TTN: variants seen among roughly 807,000 people sequenced by gnomAD.
TTN encodes connectin.
In TTN, 1,525 loss-of-function variants were observed where a neutral mutation model predicts 3,223.0. The observed-to-expected ratio is 0.47, with a 90% CI of 0.45 to 0.49. The LOEUF (loss-of-function observed/expected upper bound fraction) is 0.49. TTN is among the 20% of genes least tolerant of loss of function. The pLI is 0.00. For synonymous variants in TTN, 14,094 were observed against 15,161.0 expected, an observed-to-expected ratio of 0.93 and a Z score of 5.17; for missense variants, 40,786 against 43,424.0, an observed-to-expected ratio of 0.94 and a Z score of 5.40.
In TTN at chr2:178,576,751, C is replaced by T; in HGVS notation, c.69493G>A (p.Asp23165Asn). ...CCTGTAATTTCGCTGCCACCATCAT[C>T]CACTGGCCTTTTCCAGCTGACAGTG... The part of the protein sequence containing the change: ...TATVSWKRPV[D>N]DGGSEITGYH... Residue 23165 changes from aspartate to asparagine, a missense_variant, in exon 325 of 363, where the codon GAT (aspartate) becomes AAT (asparagine). Asp to Asn is a conservative substitution (Grantham distance 23). Coordinates refer to ENST00000589042, the MANE Select transcript of TTN (RefSeq NM_001267550.2). The surrounding 1 kb of genome is among the most constrained non-coding windows in gnomAD (Gnocchi z 4.3). The T allele has an allele frequency of 6.2e-7, 1 of 1,613,504 alleles. No individual in the cohort carries two copies. Among genetic ancestry groups the T allele is most frequent in the Non-Finnish European group, 8.5e-7 (1 of 1,179,622 alleles).
chr2:178,799,168 T>A (rs1401163025), intron 6 of TTN: 1 of 354,062 alleles, frequency 2.8e-6, no homozygotes, highest in African/African-American at 2.1e-5. Flanking sequence ...TGGACCTAGG[T>A]GAGGACAAAC....
intron 294 of TTN, among the ~76,000 whole-genome samples, 175 bp from the exon 295 acceptor site, chr2:178,595,984 C>CTTTTT (rs762808998): frequency 1.0e-4 from 12 of 114,502 alleles, no homozygotes; most frequent in East Asian, 2.5e-4. Flanking sequence ...CAGTCAACCA[C>CTTTTT]TTTTTTTTTT....
Position 178,562,262 on chromosome 2 carries a change from C to A in TTN, c.83870G>T (p.Arg27957Met). 6.2e-7 allele frequency: 1 copy of A among 1,613,342 alleles called. No individual in the cohort carries two copies. ...PRQLGVPVIA[R>M]DIEIKPSVEL... ...AACTGAAGGCTTTATTTCAATATCC[C>A]TTGCAATTACTGGCACTCCAAGTTG... Residue 27957 changes from arginine to methionine, a missense_variant, in exon 326 of 363, where the codon AGG becomes ATG. Transcript: ENST00000589042.
intron 47 of TTN, chr2:178,744,296 A>G (rs2083038861): frequency 1.2e-6 from 1 of 838,306 alleles, no homozygotes; most frequent in Non-Finnish European, 1.4e-6. Context: ...TTACAAAATT[A>G]AAGTTTATTC....
rs1413452032 is a variant in TTN, at chr2:178,727,713, A to T, written c.19865T>A (p.Ile6622Asn). The T allele has an allele frequency of 6.2e-7, 1 of 1,613,342 alleles. No individual in the cohort carries two copies. The highest frequency in any genetic ancestry group is 8.5e-7 in the Non-Finnish European group (1 of 1,179,452). Residue 6622 changes from isoleucine to asparagine, a missense_variant, in exon 68 of 363, where the codon ATT becomes AAT. Coordinates refer to ENST00000589042, the MANE Select transcript of TTN (RefSeq NM_001267550.2). ...VELVSGPKCF[I>N]GLEGSTSFLN... The stretch of plus-strand genomic sequence containing the variant: ...GAAGCTAGTCGACCCTTCCAAGCCA[A>T]TGAAACATTTAGGACCTGAGACAAG...
Position 178,646,104 on chromosome 2 carries a change from TTATATATATATATATATATATATATA to T in TTN, c.40298-100_40298-75del, listed in dbSNP as rs71023450. 66 of 37,984 alleles carry T rather than the reference TTATATATATATATATATATATATATA, an allele frequency of 1.7e-3. 9 individuals carry two copies. The highest frequency in any genetic ancestry group is 0.017 in the Middle Eastern group (1 of 60). 2.4% of individuals were successfully genotyped at this position (37,984 alleles called of 1,614,324 possible). On this transcript the variant is annotated intron_variant, in intron 216 of 362. Coordinates refer to ENST00000589042, the MANE Select transcript of TTN (RefSeq NM_001267550.2). Reference sequence around the variant, plus strand: ...GGATATGTAGTATATTTAATAGAAATTATATATATATATATATATATATATATATATATATATATATATGAAGTACA... The same window carrying T: ...GGATATGTAGTATATTTAATAGAAATTATATATATATATATATGAAGTACA...
rs1575264962 is a variant in TTN, at chr2:178,533,442, T to C, written c.103173A>G (p.Pro34391=). Residue 34391 remains proline, a synonymous_variant, in exon 358 of 363, where the codon CCA becomes CCG. Transcript: ENST00000589042. ...CATCTTTCTCCCATTTTAATGTTGG[T>C]GGGGGGATGCCAGACACTCTGATCT... is the stretch of plus-strand genomic sequence containing the variant. The part of the protein sequence containing the change: ...CFEIRVSGIP[P]PTLKWEKDGQ... The C allele has an allele frequency of 6.2e-7, 1 of 1,613,682 alleles. No individual in the cohort carries two copies. The highest frequency in any genetic ancestry group is 1.3e-5 in the African/African-American group (1 of 74,894).
chr2:178,727,458 A>T (rs1479798592), intron 68 of TTN, 87 bp from the exon 69 acceptor site: 1 of 1,504,614 alleles, frequency 6.6e-7, no homozygotes, highest in African/African-American at 1.4e-5. Flanking sequence ...AGAGAAAAAC[A>T]TGAGCAAATA....
chr2:178,587,010 C>G (rs1361401310), intron 307 of TTN, 108 bp downstream of exon 307: 4 of 1,460,824 alleles, frequency 2.7e-6, no homozygotes, highest in African/African-American at 1.4e-5. Flanking sequence ...CTATTTCGGT[C>G]TCTACAAATG....
chr2:178,779,899 T>G, intron 22 of TTN, 101 bp downstream of exon 22: 1 of 1,181,892 alleles, frequency 8.5e-7, no homozygotes, highest in Non-Finnish European at 1.2e-6. Context: ...TTCTAATAGC[T>G]GTCTAACCCC....
intron 47 of TTN, chr2:178,751,021 A>G (rs778508001): frequency 1.2e-6 from 2 of 1,612,598 alleles, no homozygotes; most frequent in Non-Finnish European, 1.7e-6. Context: ...CAATAGTTTG[A>G]AAGCTTGTGG....
chr2:178,741,427 A>T lies in TTN; in HGVS notation c.11806T>A (p.Cys3936Ser). 6.2e-7 allele frequency: 1 copy of T among 1,613,888 alleles called. No homozygotes were observed. The highest frequency in any genetic ancestry group is 1.3e-5 in the African/African-American group (1 of 75,032). ...AACTCCTTAAGGAAGTGAGGAGGACAAGGACCTCCCAGCTTTTCCAGAGAT... is the reference window on the plus strand; with the variant it reads ...AACTCCTTAAGGAAGTGAGGAGGACTAGGACCTCCCAGCTTTTCCAGAGAT... ...AKSLEKLGGP[C>S]PPHFLKELKP... The change falls in exon 48 of 363, where the codon TGT (cysteine) becomes AGT (serine). Residue 3936 changes from cysteine to serine, a missense_variant. Cys to Ser is a moderately radical substitution (Grantham distance 112, BLOSUM62 -1). Coordinates refer to ENST00000589042, the MANE Select transcript of TTN (RefSeq NM_001267550.2).
chr2:178,578,140 C>G lies in TTN; in HGVS notation c.68375G>C (p.Arg22792Thr), dbSNP rs749459226. 3.1e-6 allele frequency: 5 copies of G among 1,612,992 alleles called. No individual in the cohort carries two copies. The highest frequency in any genetic ancestry group is 2.2e-5 in the East Asian group (1 of 44,806). The change falls in exon 322 of 363, where the codon AGA (arginine) becomes ACA (threonine). Residue 22792 changes from arginine to threonine, a missense_variant. Coordinates refer to ENST00000589042, the MANE Select transcript of TTN (RefSeq NM_001267550.2). ...CATCCTTATCGGAGTCTTGTTAGCT[C>G]TCTTCCACAAAAGGCTGTTTCTTTC... ...FKERNSLLWK[R>T]ANKTPIRMRD...
intron 89 of TTN, 21 bp downstream of exon 89, chr2:178,715,472 A>C (rs754247306): frequency 6.3e-7 from 1 of 1,589,620 alleles, no homozygotes; most frequent in Non-Finnish European, 8.6e-7. Context: ...TGAAAAACAC[A>C]CAGGTGGGGA....
In TTN at chr2:178,594,105, C is replaced by T; in HGVS notation, c.58288G>A (p.Asp19430Asn). The T allele has an allele frequency of 6.2e-7, 1 of 1,613,418 alleles. No homozygotes were observed. Among genetic ancestry groups the T allele is most frequent in the Middle Eastern group, 1.7e-4 (1 of 6,056 alleles). The change falls in exon 297 of 363, where the codon GAT becomes AAT. Residue 19430 changes from aspartate (D) to asparagine (N), a missense_variant. Asp to Asn is a conservative substitution (Grantham distance 23, BLOSUM62 1). Coordinates refer to ENST00000589042, the MANE Select transcript of TTN (RefSeq NM_001267550.2). The part of the protein sequence containing the change: ...WFKDEADVLE[D>N]DRTHIKTTPA... ...GTAGTCTTTATATGAGTGCGATCAT[C>T]TTCCAGCACATCAGCTTCATCTTTG...
rs1400549364 is a variant in TTN, at chr2:178,573,597, C to T, written c.72535G>A (p.Val24179Ile). 6.7e-6 allele frequency: 10 copies of T among 1,497,188 alleles called. No individual in the cohort carries two copies. The highest frequency in any genetic ancestry group is 1.4e-5 in the African/African-American group (1 of 71,300). 92.7% of individuals were successfully genotyped at this position (1,497,188 alleles called of 1,614,324 possible). Residue 24179 changes from valine to isoleucine, a missense_variant, in exon 326 of 363, where the codon GTA becomes ATA. Physicochemically the swap from Val to Ile is conservative, Grantham distance 29. Transcript: ENST00000589042. ...AWTNVASEVQ[V>I]TKLKVTKLLK... Reference sequence around the variant, plus strand: ...AGTTTAGTGACCTTTAGCTTTGTTACTTGGACTTCTGAGGCTACATTTGTC... The same window carrying T: ...AGTTTAGTGACCTTTAGCTTTGTTATTTGGACTTCTGAGGCTACATTTGTC...
chr2:178,752,043 G>GAAAAA (rs58651353), intron 47 of TTN: 3 of 1,322,328 alleles, frequency 2.3e-6, no homozygotes, highest in Non-Finnish European at 2.0e-6. Flanking sequence ...AATAATTCTG[G>GAAAAA]AAAAAAAAAA....
chr2:178,546,346 A>T lies in TTN; in HGVS notation c.94985T>A (p.Val31662Asp), dbSNP rs1164809267. ...GDKELDLCEK[V>D]SLQYTGKRAT... is the part of the protein sequence containing the mutation. ...TCGTTTGCCAGTATACTGCAAAGAG[A>T]CTTTTTCACAGAGATCTAGCTCCTT... The change falls in exon 342 of 363, where the codon GTC (valine) becomes GAC (aspartate). Residue 31662 changes from valine (V) to aspartate (D), a missense_variant. By Grantham distance (152) the Val-to-Asp change is radical. Transcript: ENST00000589042. 1.2e-6 allele frequency: 2 copies of T among 1,613,618 alleles called. No homozygotes were observed. The highest frequency in any genetic ancestry group is 1.7e-6 in the Non-Finnish European group (2 of 1,179,756).
At position 178,593,664 on chromosome 2, in the gene TTN, C is replaced by G. The variant is rs201840554; in HGVS notation, c.58636G>C (p.Glu19546Gln). ...KTTCKVSKLL[E>Q]GKDYIFRIHA... The stretch of plus-strand genomic sequence containing the variant: ...ATCCGGAAAATATAATCTTTTCCTT[C>G]AAGTAGTTTAGAAACTTTGCATGTT... Residue 19546 changes from glutamate (E) to glutamine (Q), a missense_variant, in exon 298 of 363, where the codon GAA (glutamate) becomes CAA (glutamine). By Grantham distance (29) the Glu-to-Gln change is conservative. Coordinates refer to ENST00000589042, the MANE Select transcript of TTN (RefSeq NM_001267550.2). 5.5e-4 allele frequency: 884 copies of G among 1,613,200 alleles called. 8 individuals are homozygous for G. In the African/African-American group the frequency reaches 0.011, roughly 20 times the overall value.
Sources: gnomAD v4.1 joint callset for allele counts (sites outside exome capture counted in the v4.1 genomes callset) on GRCh38, gnomAD v4.1.1 for gene constraint, Gnocchi (gnomAD v3.1) non-coding constraint, MANE v1.5 for transcripts, NCBI Gene and HGNC (gene_info 2026-07-23, HGNC 2026-07-21) for gene names.